The following ENPP1 variants were observed in gnomAD, a reference collection of about 807,000 sequenced individuals.
The protein encoded by ENPP1 is ectonucleotide pyrophosphatase/phosphodiesterase 1.
ENPP1 carries 73 observed loss-of-function variants against 122.8 expected under a neutral mutation model. The ratio of observed to expected loss-of-function variants is 0.59; its 90% CI spans 0.49 to 0.72. ENPP1 has a LOEUF of 0.72. Ranked by LOEUF, ENPP1 falls within the 30% of genes least tolerant of loss-of-function variation. ENPP1 has a pLI of 0.00. For missense variants in ENPP1, 978 were observed against 1,128.1 expected (o/e 0.87, Z 1.91); for synonymous variants, 367 against 391.6 (o/e 0.94, Z 0.74).
At chr6:131,834,687 C>G (rs1248747698) in intron 1 of ENPP1, among the ~76,000 whole-genome samples, 1 of 151,972 alleles carries the variant, frequency 6.6e-6, no homozygotes, top group Non-Finnish European at 1.5e-5. Flanking sequence ...TGTGCCACTA[C>G]GCCCAGCTAA....
At chr6:131,855,512 G>A (rs1781934136) in intron 6 of ENPP1, among the ~76,000 whole-genome samples, 1 of 151,884 alleles carries the variant, frequency 6.6e-6, no homozygotes, top group African/African-American at 2.4e-5. Context: ...TTTTAGTAGA[G>A]ACAGGGTTTT....
At chr6:131,817,754 T>TACACACACAC (rs138209749) in intron 1 of ENPP1, among the ~76,000 whole-genome samples, 12,035 of 146,286 alleles carry the variant, frequency 0.082, 505 homozygotes, top group Middle Eastern at 0.16. Flanking sequence ...TCTCTCTCCA[T>TACACACACAC]ACACACACAC....
At chr6:131,861,128 A>G (rs1782018176) in intron 8 of ENPP1, among the ~76,000 whole-genome samples, 1 of 152,156 alleles carries the variant, frequency 6.6e-6, no homozygotes, top group Non-Finnish European at 1.5e-5. Flanking sequence ...TGGACAAATC[A>G]TTCTGTTTCT....
chr6:131,826,732 G>C, intron 1 of ENPP1: 1 of 516,448 alleles, frequency 1.9e-6, no homozygotes, highest in Non-Finnish European at 3.5e-6. Context: ...GCAATGACTT[G>C]TGGGATCTGG....
rs1782498138 is a variant in ENPP1 at position 131,893,383 on chromosome 6, A to T, written c.*2872A>T. On this transcript the variant is annotated 3_prime_UTR_variant, in exon 25 of 25. Transcript: ENST00000647893. ...GGAGGGGTGCCAGGCTGCACAAAAG[A>T]GACACTGGATGCTTCTTGGTAGTAG... 1 of 152,294 alleles carries T rather than the reference A, an allele frequency of 6.6e-6. No homozygotes were observed. Among genetic ancestry groups the T allele is most frequent in the Admixed American group, 6.5e-5 (1 of 15,290 alleles). The allele number at this position is 152,294 out of a possible 1,614,324, so 9.4% of individuals were successfully genotyped here. A position where few individuals can be genotyped will look rare whatever the true frequency, so the allele number is the denominator to read the frequency against.
intron 9 of ENPP1, among the ~76,000 whole-genome samples, chr6:131,862,133 C>T (rs879673643): frequency 1.3e-5 from 2 of 152,082 alleles, no homozygotes; most frequent in African/African-American, 2.4e-5. Context: ...CACGTCATTG[C>T]ACTCCAGCCT....
intron 1 of ENPP1, among the ~76,000 whole-genome samples, chr6:131,837,265 C>G (rs1259268582): frequency 1.3e-5 from 2 of 150,134 alleles, no homozygotes; most frequent in Non-Finnish European, 3.0e-5. Context: ...ATGGCTCATG[C>G]CTGTAATCCC....
At chr6:131,826,133 C>A in intron 1 of ENPP1, 1 of 838,560 alleles carries the variant, frequency 1.2e-6, no homozygotes, top group South Asian at 1.3e-5. Context: ...CCAATGAACT[C>A]CAGATGAGTA....
rs143827015 is a variant in ENPP1 at position 131,832,720 on chromosome 6, G to A, written c.241-15056G>A. 1.8e-4 allele frequency among the ~76,000 whole-genome samples: 27 copies of A among 152,278 alleles called. 1 individual carries two copies. In the East Asian group the frequency reaches 5.0e-3, roughly 28 times the overall value. On this transcript the variant is annotated intron_variant, in intron 1 of 24. Transcript: ENST00000647893. The stretch of plus-strand genomic sequence containing the variant: ...TAGAGTTGGAACAGCAAGGGCTGGG[G>A]CATTTAGGGGCTGGCCAGGCATCTT...
At chr6:131,831,248 AC>A (rs1163683142) in intron 1 of ENPP1, among the ~76,000 whole-genome samples, 5 of 152,044 alleles carry the variant, frequency 3.3e-5, no homozygotes, top group Non-Finnish European at 7.4e-5. Context: ...CTTTCAATAA[AC>A]ATACTGTTTG....
intron 1 of ENPP1, among the ~76,000 whole-genome samples, chr6:131,836,927 G>C (rs1412725017): frequency 6.6e-6 from 1 of 152,160 alleles, no homozygotes; most frequent in African/African-American, 2.4e-5. Context: ...AGCTTGCTTA[G>C]AGCTCATGCA....
chr6:131,877,457 T>A (rs527558146), intron 18 of ENPP1: 3 of 426,368 alleles, frequency 7.0e-6, no homozygotes, highest in African/African-American at 6.0e-5. Flanking sequence ...CTAGTTCAGT[T>A]CTTGAGCATC....
chr6:131,870,867 A>G (rs1782153084), intron 13 of ENPP1, among the ~76,000 whole-genome samples: 1 of 152,184 alleles, frequency 6.6e-6, no homozygotes, highest in Non-Finnish European at 1.5e-5. Flanking sequence ...TCATAAGGTT[A>G]AGAGATCAAG....
At chr6:131,823,454 A>G (rs1055125775) in intron 1 of ENPP1, among the ~76,000 whole-genome samples, 3 of 152,166 alleles carry the variant, frequency 2.0e-5, no homozygotes, top group Non-Finnish European at 4.4e-5. Flanking sequence ...TTAGAGAGTC[A>G]AAAAAGGACT....
At chr6:131,828,775 A>G (rs999731085) in intron 1 of ENPP1, among the ~76,000 whole-genome samples, 5 of 152,202 alleles carry the variant, frequency 3.3e-5, no homozygotes, top group Non-Finnish European at 5.9e-5. Flanking sequence ...TCCATTACCA[A>G]TTTTAAAATT....
At chr6:131,836,203 C>T (rs1007728881) in intron 1 of ENPP1, among the ~76,000 whole-genome samples, 1 of 151,952 alleles carries the variant, frequency 6.6e-6, no homozygotes, top group Admixed American at 6.5e-5. Context: ...ACCTCTGCCT[C>T]CTGGGTTCAA....
chr6:131,862,602 A>G (rs1396412041), intron 9 of ENPP1, among the ~76,000 whole-genome samples: 1 of 152,146 alleles, frequency 6.6e-6, no homozygotes, highest in African/African-American at 2.4e-5. Context: ...ATGGAATTAT[A>G]GGGGATCAAG....
chr6:131,850,992 A>G lies in ENPP1; in HGVS notation c.431-150A>G, dbSNP rs1007274161. 9 of 821,442 alleles carry G rather than the reference A, an allele frequency of 1.1e-5. No individual in the cohort carries two copies. In the African/African-American group the frequency reaches 1.5e-4, roughly 14 times the overall value. The allele number at this position is 821,442 out of a possible 1,614,324, so 50.9% of individuals were successfully genotyped here. ...TTTACCCCATTAGTTCAGAGTGGCC[A>G]TGGTAGTGGCAGATTCTGTGAGTGA... On this transcript the variant is annotated intron_variant, in intron 3 of 24. Transcript: ENST00000647893.
chr6:131,874,961 A>C (rs948478584), intron 16 of ENPP1, among the ~76,000 whole-genome samples: 52 of 152,286 alleles, frequency 3.4e-4, no homozygotes, highest in African/African-American at 1.2e-3. Context: ...TAACTCAAAC[A>C]AAAAGCTAAA....
Sources: gnomAD v4.1 joint callset for allele counts (sites outside exome capture counted in the v4.1 genomes callset) on GRCh38, gnomAD v4.1.1 for gene constraint, MANE v1.5 for transcripts, NCBI Gene and HGNC (gene_info 2026-07-23, HGNC 2026-07-21) for gene names.